The following MTMR7 variants were observed in gnomAD, a reference collection of about 807,000 sequenced individuals.
MTMR7 encodes the protein phosphatidylinositol-3-phosphate phosphatase MTMR7.
In MTMR7, 76 loss-of-function variants were observed where a neutral mutation model predicts 81.2. That is an observed-to-expected ratio of 0.94 (90% CI 0.78 to 1.13). The LOEUF is 1.13. Ranked by LOEUF, MTMR7 falls within the 50% of genes most tolerant of loss-of-function variation. The pLI, the probability that MTMR7 is intolerant of heterozygous loss-of-function variation, is 0.00. For synonymous variants in MTMR7, 372 were observed against 289.8 expected (o/e 1.28, Z -2.88); for missense variants, 1,044 against 820.0 (o/e 1.27, Z -3.34).
chr8:17,375,675 G>C (rs913256390), intron 1 of MTMR7, among the ~76,000 whole-genome samples: 4 of 152,088 alleles, frequency 2.6e-5, no homozygotes, highest in African/African-American at 9.7e-5. Context: ...GGCCCAATGA[G>C]TTTTTATAAC....
At chr8:17,371,320 A>C in intron 2 of MTMR7, 121 bp from the exon 3 acceptor site, 37 of 1,102,842 alleles carry the variant, frequency 3.4e-5, no homozygotes, top group Non-Finnish European at 4.5e-5. Flanking sequence ...CAGCTAGCTC[A>C]ACCCTTGCGT....
chr8:17,309,475 A>ATAT, intron 9 of MTMR7, 149 bp from the exon 10 acceptor site: 1 of 655,806 alleles, frequency 1.5e-6, no homozygotes, highest in East Asian at 2.7e-5. Context: ...TTATCCACCC[A>ATAT]TATAGAGATG....
intron 3 of MTMR7, among the ~76,000 whole-genome samples, chr8:17,369,713 T>G (rs1345862084): frequency 6.9e-6 from 1 of 144,798 alleles, no homozygotes; most frequent in Non-Finnish European, 1.5e-5. Context: ...TGGCAAGATC[T>G]CAGCTCTCTG....
chr8:17,348,633 T>C (rs1188177025), intron 5 of MTMR7, among the ~76,000 whole-genome samples: 2 of 150,932 alleles, frequency 1.3e-5, no homozygotes, highest in African/African-American at 4.9e-5. Context: ...ATGCCACAGA[T>C]CTCCAGCACT....
intron 1 of MTMR7, among the ~76,000 whole-genome samples, chr8:17,377,301 T>C (rs1253599672): frequency 2.6e-5 from 4 of 152,154 alleles, no homozygotes; most frequent in Non-Finnish European, 5.9e-5. Context: ...AATCCCATTT[T>C]AATATTATAA....
At position 17,349,006 on chromosome 8, in the gene MTMR7, A is replaced by G. The variant is rs753597385; in HGVS notation, c.544T>C (p.Phe182Leu). Residue 182 changes from phenylalanine to leucine, a missense_variant, in exon 5 of 14, where the codon TTC (phenylalanine) becomes CTC (leucine). Phe to Leu is a conservative substitution (Grantham distance 22). Coordinates refer to ENST00000180173, the MANE Select transcript of MTMR7 (RefSeq NM_004686.5). ...TAHIIVGSSK[F>L]RSRRRFPVLS... ...ACAGGAAATCGCCGTCTACTCCGGAATTTGGAACTCCCCACTATGATGTGT... is the reference window on the plus strand; with the variant it reads ...ACAGGAAATCGCCGTCTACTCCGGAGTTTGGAACTCCCCACTATGATGTGT... 6.2e-7 allele frequency: 1 copy of G among 1,613,424 alleles called. No homozygotes were observed. The highest frequency in any genetic ancestry group is 8.5e-7 in the Non-Finnish European group (1 of 1,179,926).
intron 7 of MTMR7, among the ~76,000 whole-genome samples, chr8:17,314,485 T>C (rs906439334): frequency 1.3e-5 from 2 of 152,204 alleles, no homozygotes; most frequent in African/African-American, 4.8e-5. Flanking sequence ...TTCAACTTTG[T>C]GAACTCTTTG....
chr8:17,370,995 T>C, intron 3 of MTMR7, 42 bp downstream of exon 3: 1 of 1,588,410 alleles, frequency 6.3e-7, no homozygotes, highest in Non-Finnish European at 8.6e-7. Context: ...TGCAAATTTT[T>C]AAGAGAGGTT....
At chr8:17,304,746 C>CGTGTGTGTGTGTGTGTGTGT (rs10527892) in intron 11 of MTMR7, among the ~76,000 whole-genome samples, 8,332 of 147,002 alleles carry the variant, frequency 0.057, 339 homozygotes, top group African/African-American at 0.099. Flanking sequence ...GTGTTCGATT[C>CGTGTGTGTGTGTGTGTGTGT]GTGTGTGTGT....
intron 12 of MTMR7, among the ~76,000 whole-genome samples, chr8:17,303,538 C>T (rs551977645): frequency 1.1e-4 from 16 of 151,844 alleles, no homozygotes; most frequent in South Asian, 2.1e-4. Context: ...AAAAAACATA[C>T]GTATCTAGCA....
chr8:17,308,298 T>C (rs1370042907), intron 10 of MTMR7, among the ~76,000 whole-genome samples: 1 of 152,186 alleles, frequency 6.6e-6, no homozygotes, highest in Non-Finnish European at 1.5e-5. Context: ...CCTAACTGCC[T>C]AGCGTGTAAT....
chr8:17,360,815 C>G (rs991816729), intron 4 of MTMR7, among the ~76,000 whole-genome samples: 3 of 152,086 alleles, frequency 2.0e-5, no homozygotes, highest in African/African-American at 7.2e-5. Context: ...AGAATGAGAT[C>G]CAGGCCAGCT....
chr8:17,310,777 C>A (rs1322301236), intron 9 of MTMR7, among the ~76,000 whole-genome samples: 1 of 152,144 alleles, frequency 6.6e-6, no homozygotes, highest in East Asian at 1.9e-4. Context: ...TCCATTAGGA[C>A]TCCTTTGTCA....
chr8:17,305,821 G>C lies in MTMR7; in HGVS notation c.1288C>G (p.His430Asp). Reference sequence around the variant, plus strand: ...TTTCCAAACTGGCAGGAATAAATGTGATGTTGAATGTGAATCAAAAACCTC... The same window carrying C: ...TTTCCAAACTGGCAGGAATAAATGTCATGTTGAATGTGAATCAAAAACCTC... ...NERFLIHIQH[H>D]IYSCQFGNFL... The change falls in exon 11 of 14, where the codon CAC becomes GAC. Residue 430 changes from histidine (H) to aspartate (D), a missense_variant. Coordinates refer to ENST00000180173, the MANE Select transcript of MTMR7 (RefSeq NM_004686.5). 6.2e-7 allele frequency: 1 copy of C among 1,613,666 alleles called. No homozygotes were observed. Among genetic ancestry groups the C allele is most frequent in the Non-Finnish European group, 8.5e-7 (1 of 1,179,694 alleles).
chr8:17,405,861 CACACACACACACACACA>C (rs1158450067), intron 1 of MTMR7, among the ~76,000 whole-genome samples: 42 of 97,658 alleles, frequency 4.3e-4, no homozygotes, highest in African/African-American at 1.2e-3. Flanking sequence ...CACACACACA[CACACACACACACACACA>C]CCACAGAGAA....
intron 13 of MTMR7, among the ~76,000 whole-genome samples, chr8:17,301,187 A>C (rs1485968077): frequency 6.6e-6 from 1 of 152,242 alleles, no homozygotes; most frequent in South Asian, 2.1e-4. Context: ...AGAGATAGAT[A>C]AATACAGACC....
intron 1 of MTMR7, among the ~76,000 whole-genome samples, chr8:17,390,247 A>G (rs903449598): frequency 4.0e-5 from 6 of 151,866 alleles, no homozygotes; most frequent in Non-Finnish European, 8.8e-5. Flanking sequence ...GAAGCTTCCA[A>G]TCATGGTGTA....
chr8:17,397,280 G>A (rs556704442), intron 1 of MTMR7, among the ~76,000 whole-genome samples: 30 of 152,264 alleles, frequency 2.0e-4, no homozygotes, highest in African/African-American at 7.2e-4. Context: ...TGGGGTCCCT[G>A]ATTCCAGGCC....
chr8:17,360,032 C>T (rs374987200), intron 4 of MTMR7, among the ~76,000 whole-genome samples: 58 of 152,202 alleles, frequency 3.8e-4, no homozygotes, highest in African/African-American at 1.3e-3. Context: ...TGAGTAATGA[C>T]GATCTAAATG....
Sources: allele counts gnomAD v4.1 joint callset (sites outside exome capture counted in the v4.1 genomes callset), GRCh38; gene constraint gnomAD v4.1.1; transcripts MANE v1.5; gene names NCBI Gene and HGNC (gene_info 2026-07-23, HGNC 2026-07-21).